The following ZFHX4 variants were observed in gnomAD, a reference collection of about 807,000 sequenced individuals.
ZFHX4 encodes zinc finger homeobox protein 4.
A neutral mutation model predicts 267.6 loss-of-function variants in ZFHX4; 56 were observed. That is an observed-to-expected ratio of 0.21 (90% CI 0.17 to 0.26). The LOEUF is 0.26. Among genes scored for constraint, ZFHX4 ranks in the 10% least tolerant of loss-of-function variants. The probability of loss-of-function intolerance (pLI) is 1.00; values close to 1 mark genes in which losing one functional copy is unlikely to be tolerated. For synonymous variants in ZFHX4, 1,778 were observed against 1,665.6 expected, an observed-to-expected ratio of 1.07 and a Z score of -1.64; for missense variants, 4,332 against 4,420.0, an observed-to-expected ratio of 0.98 and a Z score of 0.56.
chr8:76,763,289 G>A (rs1476529592), intron 3 of ZFHX4, among the ~76,000 whole-genome samples: 1 of 152,126 alleles, frequency 6.6e-6, no homozygotes, highest in Non-Finnish European at 1.5e-5. Context: ...GACCTTAGAT[G>A]AAAAAGCAGG....
chr8:76,733,526 A>G (rs966168777), intron 3 of ZFHX4: 15 of 152,356 alleles, frequency 9.8e-5, no homozygotes, highest in African/African-American at 3.6e-4. Context: ...AACGGATGTT[A>G]AAGAACTATT....
intron 1 of ZFHX4, among the ~76,000 whole-genome samples, chr8:76,689,215 A>G (rs547149780): frequency 6.6e-6 from 1 of 152,292 alleles, no homozygotes; most frequent in Non-Finnish European, 1.5e-5. Flanking sequence ...TATTTCCATA[A>G]GAAAATGTGT....
chr8:76,841,779 C>T (rs774995534), intron 5 of ZFHX4, among the ~76,000 whole-genome samples: 69 of 151,988 alleles, frequency 4.5e-4, no homozygotes, highest in Non-Finnish European at 6.6e-4. Context: ...TGGGGAGTTG[C>T]GAGCCTGGTT....
In ZFHX4 at chr8:76,704,299, G is replaced by A; in HGVS notation, c.211G>A (p.Ala71Thr). Reference sequence around the variant, plus strand: ...GGGTTTCAGCGTTGAGAATGCAGCTGCCACTCAGGTTACCTCAGCAAAGGA... The same window carrying A: ...GGGTTTCAGCGTTGAGAATGCAGCTACCACTCAGGTTACCTCAGCAAAGGA... ...LLGFSVENAA[A>T]TQVTSAKEIP... Residue 71 changes from alanine to threonine, a missense_variant, in exon 2 of 11, where the codon GCC becomes ACC. Ala to Thr is a moderately conservative substitution (Grantham distance 58). This residue lies in a region of ZFHX4 where 1,195 missense variants were observed against 1,173.6 expected (regional missense o/e 1.02). Transcript: ENST00000651372. 1.2e-6 allele frequency: 2 copies of A among 1,613,998 alleles called. No individual in the cohort carries two copies. The highest frequency in any genetic ancestry group is 1.7e-6 in the Non-Finnish European group (2 of 1,179,894).
chr8:76,830,650 A>G (rs1811909638), intron 4 of ZFHX4, among the ~76,000 whole-genome samples: 2 of 152,202 alleles, frequency 1.3e-5, no homozygotes, highest in African/African-American at 2.4e-5. Context: ...TTATGAAATT[A>G]TTTGTACAAG....
At chr8:76,844,210 G>C (rs546457063) in intron 6 of ZFHX4, among the ~76,000 whole-genome samples, 8 of 152,082 alleles carry the variant, frequency 5.3e-5, no homozygotes, top group African/African-American at 1.9e-4. Flanking sequence ...TTTCTATGAT[G>C]GACCTTATCA....
Position 76,731,856 on chromosome 8 carries a change from C to CATTATTATTATTATT in ZFHX4, c.3093+23830_3093+23844dup, listed in dbSNP as rs76950838. Among the ~76,000 whole-genome samples the CATTATTATTATTATT allele has an allele frequency of 9.0e-3, 1,301 of 143,816 alleles. 17 individuals carry two copies. Among genetic ancestry groups the CATTATTATTATTATT allele is most frequent in the Admixed American group, 0.043 (607 of 14,078 alleles). 94.3% of individuals were successfully genotyped at this position (143,816 alleles called of 152,430 possible). On this transcript the variant is annotated intron_variant, in intron 3 of 10. Coordinates refer to ENST00000651372, the MANE Select transcript of ZFHX4 (RefSeq NM_024721.5). ...TTATGTGACAGTTGTTGGTGCCACA[C>CATTATTATTATTATT]ATTATTATTATTATTATTATTATTA...
chr8:76,779,762 G>T (rs1810500411), intron 4 of ZFHX4, among the ~76,000 whole-genome samples: 1 of 152,034 alleles, frequency 6.6e-6, no homozygotes, highest in African/African-American at 2.4e-5. Context: ...GCATGACTGG[G>T]CTGCGTGCCA....
chr8:76,807,351 G>A (rs1057425754), intron 4 of ZFHX4, among the ~76,000 whole-genome samples: 7 of 151,946 alleles, frequency 4.6e-5, no homozygotes, highest in African/African-American at 1.7e-4. Context: ...TATCCATAGT[G>A]GATATAATGA....
intron 4 of ZFHX4, among the ~76,000 whole-genome samples, chr8:76,831,939 A>G (rs574159353): frequency 6.6e-6 from 1 of 151,114 alleles, no homozygotes; most frequent in South Asian, 2.1e-4. Flanking sequence ...TTGTGGATTT[A>G]TAAGTAAAGA....
chr8:76,694,097 T>G (rs2131587941), intron 1 of ZFHX4, among the ~76,000 whole-genome samples: 1 of 152,284 alleles, frequency 6.6e-6, no homozygotes, highest in African/African-American at 2.4e-5. Context: ...GCTCCTCAGA[T>G]GAATTGAGAG....
chr8:76,849,432 T>A (rs1428419582), intron 7 of ZFHX4, 80 bp from the exon 8 acceptor site: 1 of 1,321,720 alleles, frequency 7.6e-7, no homozygotes, highest in Non-Finnish European at 1.1e-6. Context: ...ATATCACACG[T>A]ACCCCCAAAA....
At chr8:76,862,529 T>C (rs1003735137) in intron 10 of ZFHX4, among the ~76,000 whole-genome samples, 1 of 152,232 alleles carries the variant, frequency 6.6e-6, no homozygotes, top group African/African-American at 2.4e-5. Context: ...TCTTCAGTGG[T>C]CATTTACTAT....
intron 4 of ZFHX4, among the ~76,000 whole-genome samples, chr8:76,825,563 C>A (rs1811762488): frequency 6.6e-6 from 1 of 152,196 alleles, no homozygotes; most frequent in East Asian, 1.9e-4. Flanking sequence ...TTTATCTTTG[C>A]TTGCTCAAAC....
intron 3 of ZFHX4, among the ~76,000 whole-genome samples, chr8:76,769,881 G>A (rs1354202715): frequency 2.0e-5 from 3 of 152,056 alleles, no homozygotes; most frequent in Non-Finnish European, 4.4e-5. Flanking sequence ...GACTACTACT[G>A]TTTGTTCAAA....
intron 1 of ZFHX4, among the ~76,000 whole-genome samples, chr8:76,697,663 GT>G (rs1226029058): frequency 3.9e-5 from 6 of 151,956 alleles, no homozygotes; most frequent in Non-Finnish European, 5.9e-5. Flanking sequence ...GAGGGAGGGG[GT>G]CTGTGAAAGA....
chr8:76,749,725 A>G (rs1465895174), intron 3 of ZFHX4, among the ~76,000 whole-genome samples: 2 of 152,164 alleles, frequency 1.3e-5, no homozygotes, highest in Non-Finnish European at 2.9e-5. Context: ...AATTCTTTCT[A>G]ATTTTTACCC....
At chr8:76,835,235 A>G (rs868484578) in intron 5 of ZFHX4, among the ~76,000 whole-genome samples, 2 of 118,054 alleles carry the variant, frequency 1.7e-5, no homozygotes, top group South Asian at 2.6e-4. Context: ...ATATATATAT[A>G]TATATGTATA....
In ZFHX4 at chr8:76,705,091, T is replaced by C; in HGVS notation, c.1003T>C (p.Phe335Leu). The C allele has an allele frequency of 6.2e-7, 1 of 1,613,748 alleles. No homozygotes were observed. ...CAAAGACAAAGAACCTCTTATAAGCTTTCTGGAACCAAAAAAATCCACTTC... is the reference window on the plus strand; with the variant it reads ...CAAAGACAAAGAACCTCTTATAAGCCTTCTGGAACCAAAAAAATCCACTTC... ...IGKDKEPLIS[F>L]LEPKKSTSVY... Residue 335 changes from phenylalanine (F) to leucine (L), a missense_variant, in exon 2 of 11, where the codon TTT (phenylalanine) becomes CTT (leucine). Phe to Leu is a conservative substitution (Grantham distance 22). Coordinates refer to ENST00000651372, the MANE Select transcript of ZFHX4 (RefSeq NM_024721.5).
Sources: allele counts gnomAD v4.1 joint callset (sites outside exome capture counted in the v4.1 genomes callset), GRCh38; gene constraint gnomAD v4.1.1; regional missense constraint gnomAD v4.1.1; transcripts MANE v1.5; gene names NCBI Gene and HGNC (gene_info 2026-07-23, HGNC 2026-07-21).